Variants in CD96 observed in about 807,000 individuals in gnomAD.
CD96 encodes T-cell surface protein tactile.
CD96 carries 70 observed loss-of-function variants against 71.3 expected under a neutral mutation model. The ratio of observed to expected loss-of-function variants is 0.98; its 90% confidence interval spans 0.81 to 1.20. The LOEUF (loss-of-function observed/expected upper bound fraction) is 1.20. CD96 is among the 50% of genes most tolerant of loss of function. The pLI is 0.00. For missense variants in CD96, 742 were observed against 677.5 expected (o/e 1.10, Z -1.06); for synonymous variants, 248 against 233.0 (o/e 1.06, Z -0.59).
intron 8 of CD96, among the ~76,000 whole-genome samples, chr3:111,616,907 G>C (rs919563941): frequency 1.3e-5 from 2 of 152,144 alleles, no homozygotes; most frequent in Non-Finnish European, 2.9e-5. Context: ...TTGAGGGCCT[G>C]GGAACACCCC....
At chr3:111,635,742 T>C (rs1438628535) in intron 10 of CD96, among the ~76,000 whole-genome samples, 1 of 152,252 alleles carries the variant, frequency 6.6e-6, no homozygotes, top group Non-Finnish European at 1.5e-5. Flanking sequence ...AAATGGATTG[T>C]GCTTATTCAG....
intron 3 of CD96, chr3:111,570,830 C>G: frequency 6.2e-7 from 1 of 1,613,092 alleles, no homozygotes; most frequent in Admixed American, 1.7e-5. Flanking sequence ...TGGGGGACCC[C>G]AGGCTTGTGG....
intron 7 of CD96, among the ~76,000 whole-genome samples, chr3:111,601,433 TAGA>T (rs2107651684): frequency 6.6e-6 from 1 of 152,316 alleles, no homozygotes; most frequent in South Asian, 2.1e-4. Context: ...AGTTAGCTAA[TAGA>T]AGATTTTTAT....
rs749228868 is a variant in CD96 at position 111,567,590 on chromosome 3, A to G, written c.486A>G (p.Pro162=). Residue 162 remains proline, a synonymous_variant, in exon 3 of 14, where the codon CCA becomes CCG. Coordinates refer to ENST00000352690, the MANE Select transcript of CD96 (RefSeq NM_005816.5). ...EIEINQTLEI[P]CFQNSSSKIS... Reference sequence around the variant, plus strand: ...AGATAAATCAGACTCTGGAAATACCATGCTTTCAAAATAGCTCCTCAAAAA... The same window carrying G: ...AGATAAATCAGACTCTGGAAATACCGTGCTTTCAAAATAGCTCCTCAAAAA... 3 of 1,610,346 alleles carry G rather than the reference A, an allele frequency of 1.9e-6. No homozygotes were observed. Among genetic ancestry groups the G allele is most frequent in the East Asian group, 2.2e-5 (1 of 44,864 alleles).
chr3:111,608,727 G>A (rs1009736991), intron 8 of CD96, among the ~76,000 whole-genome samples: 3 of 152,124 alleles, frequency 2.0e-5, no homozygotes, highest in African/African-American at 7.2e-5. Flanking sequence ...CTAGCACAGA[G>A]TAGAGAGTCA....
chr3:111,582,844 A>G (rs2107595636), intron 4 of CD96, among the ~76,000 whole-genome samples: 1 of 152,268 alleles, frequency 6.6e-6, no homozygotes, highest in Non-Finnish European at 1.5e-5. Flanking sequence ...CTTCTGGGAG[A>G]CACAATTCAA....
At chr3:111,586,629 G>A (rs1220865840) in intron 5 of CD96, among the ~76,000 whole-genome samples, 1 of 152,190 alleles carries the variant, frequency 6.6e-6, no homozygotes, top group Non-Finnish European at 1.5e-5. Flanking sequence ...CGGAAGGCAA[G>A]AAGGAGCACA....
intron 11 of CD96, 121 bp downstream of exon 11, chr3:111,637,382 G>A: frequency 1.4e-6 from 1 of 717,548 alleles, no homozygotes; most frequent in Non-Finnish European, 2.6e-6. Flanking sequence ...AGTACATCTT[G>A]ATGATGAAAA....
At chr3:111,582,212 A>T (rs912866747) in intron 4 of CD96, among the ~76,000 whole-genome samples, 10 of 152,244 alleles carry the variant, frequency 6.6e-5, no homozygotes, top group African/African-American at 2.4e-4. Context: ...AGAGATCTTC[A>T]GTATGCCAAG....
chr3:111,649,656 C>T, intron 13 of CD96, 42 bp from the exon 14 acceptor site: 1 of 1,145,632 alleles, frequency 8.7e-7, no homozygotes, highest in Non-Finnish European at 1.3e-6. Flanking sequence ...GCATAAGACT[C>T]CCTCAATTCT....
chr3:111,641,859 G>A (rs1283681280), intron 12 of CD96, among the ~76,000 whole-genome samples: 2 of 152,134 alleles, frequency 1.3e-5, no homozygotes, highest in Non-Finnish European at 2.9e-5. Flanking sequence ...TCAAAACCAC[G>A]CAAATACACG....
chr3:111,605,322 A>G (rs752984080), intron 7 of CD96, among the ~76,000 whole-genome samples: 4 of 152,194 alleles, frequency 2.6e-5, no homozygotes, highest in Non-Finnish European at 5.9e-5. Context: ...GGGTCAGGAA[A>G]CCACATAAAT....
At chr3:111,542,514 A>G (rs1379159772) in intron 1 of CD96, among the ~76,000 whole-genome samples, 1 of 152,228 alleles carries the variant, frequency 6.6e-6, no homozygotes, top group Non-Finnish European at 1.5e-5. Context: ...CACTAAAAAT[A>G]AGAAGGGAAT....
intron 14 of CD96, among the ~76,000 whole-genome samples, chr3:111,658,344 T>C (rs1940280812): frequency 6.6e-6 from 1 of 152,146 alleles, no homozygotes; most frequent in Non-Finnish European, 1.5e-5. Flanking sequence ...GATAGGTAGA[T>C]AGGTAGTCAG....
At chr3:111,637,746 T>C (rs1000894641) in intron 11 of CD96, among the ~76,000 whole-genome samples, 4 of 151,748 alleles carry the variant, frequency 2.6e-5, no homozygotes, top group African/African-American at 9.7e-5. Flanking sequence ...ACATTTCTCA[T>C]GGAGATTCTT....
At chr3:111,615,381 C>T (rs556953123) in intron 8 of CD96, among the ~76,000 whole-genome samples, 43 of 152,270 alleles carry the variant, frequency 2.8e-4, no homozygotes, top group African/African-American at 8.7e-4. Context: ...AAAGCTTTCA[C>T]GTGGGTGGTT....
intron 12 of CD96, among the ~76,000 whole-genome samples, chr3:111,644,770 T>C (rs1245606229): frequency 6.6e-6 from 1 of 152,104 alleles, no homozygotes; most frequent in African/African-American, 2.4e-5. Context: ...GAAAAAATGC[T>C]CAACATCACT....
chr3:111,604,703 C>T (rs977992300), intron 7 of CD96, among the ~76,000 whole-genome samples: 1 of 152,140 alleles, frequency 6.6e-6, no homozygotes. Flanking sequence ...TAAATGTTTC[C>T]CATTGTGGAA....
intron 3 of CD96, among the ~76,000 whole-genome samples, chr3:111,577,318 C>T (rs750487316): frequency 2.6e-5 from 4 of 152,152 alleles, no homozygotes; most frequent in African/African-American, 7.2e-5. Context: ...GCCAAACGTA[C>T]CTGTGCCAAA....
Sources: allele counts gnomAD v4.1 joint callset (sites outside exome capture counted in the v4.1 genomes callset), GRCh38; gene constraint gnomAD v4.1.1; transcripts MANE v1.5; gene names NCBI Gene and HGNC (gene_info 2026-07-23, HGNC 2026-07-21).